Variants in MYCBP2 observed in about 807,000 individuals in gnomAD.
The protein encoded by MYCBP2 is E3 ubiquitin-protein ligase MYCBP2.
In MYCBP2, 120 loss-of-function variants were observed where a neutral mutation model predicts 525.3. The ratio of observed to expected loss-of-function variants is 0.23; its 90% confidence interval spans 0.20 to 0.27. The LOEUF is 0.27. Ranked by LOEUF, MYCBP2 falls within the 10% of genes least tolerant of loss-of-function variation. MYCBP2 has a pLI of 1.00. For synonymous variants in MYCBP2, 1,894 were observed against 1,955.8 expected, an observed-to-expected ratio of 0.97 and a Z score of 0.83; for missense variants, 4,149 against 5,657.1, an observed-to-expected ratio of 0.73 and a Z score of 8.55.
At chr13:77,056,809 T>C (rs1446853662) in intron 79 of MYCBP2, among the ~76,000 whole-genome samples, 177 bp downstream of exon 79, 1 of 152,196 alleles carries the variant, frequency 6.6e-6, no homozygotes, top group South Asian at 2.1e-4. Context: ...ACAATTACTG[T>C]TTTGAGATGC....
chr13:77,137,171 A>G (rs751796827), intron 52 of MYCBP2, among the ~76,000 whole-genome samples: 6 of 152,044 alleles, frequency 3.9e-5, no homozygotes. Flanking sequence ...CCTTAAGGAG[A>G]CTGTCTACTA....
intron 23 of MYCBP2, among the ~76,000 whole-genome samples, chr13:77,207,587 G>T (rs1346096485): frequency 2.0e-5 from 3 of 151,390 alleles, no homozygotes; most frequent in African/African-American, 7.3e-5. Context: ...TGATTAAGAT[G>T]GTAAATTTTA....
chr13:77,224,059 A>C (rs2065938202), intron 20 of MYCBP2, among the ~76,000 whole-genome samples: 1 of 152,238 alleles, frequency 6.6e-6, no homozygotes. Flanking sequence ...TATTAGACCA[A>C]AATTTCAAAA....
intron 17 of MYCBP2, among the ~76,000 whole-genome samples, chr13:77,239,021 G>A (rs1033716965): frequency 3.3e-5 from 5 of 152,146 alleles, no homozygotes; most frequent in South Asian, 2.1e-4. Context: ...TCGGGAGGCC[G>A]AGGCAGGAGA....
chr13:77,315,665 C>T (rs2080840160), intron 1 of MYCBP2, among the ~76,000 whole-genome samples: 1 of 152,114 alleles, frequency 6.6e-6, no homozygotes, highest in African/African-American at 2.4e-5. Flanking sequence ...GAGTCTGAGG[C>T]AGGTGGATCA....
At chr13:77,267,771 T>C in intron 8 of MYCBP2, 70 bp downstream of exon 8, 1 of 1,171,024 alleles carries the variant, frequency 8.5e-7, no homozygotes, top group Non-Finnish European at 1.3e-6. Context: ...ATTCTTTATG[T>C]GTCTAAATAG....
intron 1 of MYCBP2, among the ~76,000 whole-genome samples, chr13:77,308,008 A>C (rs543772739): frequency 5.3e-5 from 8 of 152,266 alleles, no homozygotes; most frequent in African/African-American, 1.9e-4. Flanking sequence ...TCACTTCTAT[A>C]CTGGTTAGTT....
At position 77,169,717 on chromosome 13, in the gene MYCBP2, A is replaced by G. The variant is rs768506429; in HGVS notation, c.5795-3T>C. ...CAGCAGTTCTGGAATGTCATCAGCT[A>G]AAAAAAGGCATAAAAGGCATTAAAA... On this transcript the variant is annotated splice_region_variant and splice_polypyrimidine_tract_variant and intron_variant, in intron 38 of 82. Transcript: ENST00000544440. The G allele has an allele frequency of 6.2e-6, 10 of 1,606,394 alleles. No homozygotes were observed. The highest frequency in any genetic ancestry group is 8.5e-6 in the Non-Finnish European group (10 of 1,173,948).
chr13:77,167,014 CACACACACACA>C (rs1566781098), intron 40 of MYCBP2, among the ~76,000 whole-genome samples: 3,803 of 149,722 alleles, frequency 0.025, 183 homozygotes, highest in African/African-American at 0.089. Context: ...CACACACACA[CACACACACACA>C]CCAAATGAAA....
Position 77,301,081 on chromosome 13 carries a change from C to G in MYCBP2, c.303-4407G>C, listed in dbSNP as rs144749229. Among the ~76,000 whole-genome samples, 680 of 152,188 alleles carry G rather than the reference C, an allele frequency of 4.5e-3. 6 individuals are homozygous for G. The highest frequency in any genetic ancestry group is 0.015 in the African/African-American group (639 of 41,500). ...ATAGACAGCTTTCCCAGTGGTATAT[C>G]TCCTCAGAAATGTAACTGGAACACT... On this transcript the variant is annotated intron_variant, in intron 1 of 82. Transcript: ENST00000544440.
intron 13 of MYCBP2, among the ~76,000 whole-genome samples, chr13:77,258,371 A>G (rs2072615135): frequency 6.6e-6 from 1 of 152,160 alleles, no homozygotes; most frequent in Non-Finnish European, 1.5e-5. Flanking sequence ...TACTTTCATT[A>G]TATTTGTCAT....
At position 77,081,717 on chromosome 13, in the gene MYCBP2, C is replaced by T. The variant is rs2043335744; in HGVS notation, c.11194-66G>A. ...AAATCTTTCGTGATGATAAAACAAA[C>T]AGGTATAAGATAAAACATAATGGAA... On this transcript the variant is annotated intron_variant, in intron 64 of 82. Coordinates refer to ENST00000544440, the MANE Select transcript of MYCBP2 (RefSeq NM_015057.5). The surrounding 1 kb of genome is among the most constrained non-coding windows in gnomAD (Gnocchi z 4.6). 1 of 1,533,954 alleles carries T rather than the reference C, an allele frequency of 6.5e-7. No homozygotes were observed. Among genetic ancestry groups the T allele is most frequent in the Non-Finnish European group, 8.8e-7 (1 of 1,135,856 alleles).
intron 20 of MYCBP2, among the ~76,000 whole-genome samples, chr13:77,224,094 C>A (rs1391176680): frequency 6.6e-6 from 1 of 152,172 alleles, no homozygotes; most frequent in Non-Finnish European, 1.5e-5. Flanking sequence ...ATGTTTGAAT[C>A]CATTGCTGAC....
intron 79 of MYCBP2, 40 bp downstream of exon 79, chr13:77,056,946 A>G: frequency 6.9e-7 from 1 of 1,459,034 alleles, no homozygotes. Flanking sequence ...AGAAAGAACA[A>G]AAGAAAAAGA....
At chr13:77,184,838 T>C (rs903002176) in intron 32 of MYCBP2, among the ~76,000 whole-genome samples, 4 of 152,152 alleles carry the variant, frequency 2.6e-5, no homozygotes, top group African/African-American at 9.7e-5. Context: ...ATGGTTCTTT[T>C]CCTCTCTCCC....
intron 20 of MYCBP2, among the ~76,000 whole-genome samples, chr13:77,219,944 T>C (rs866453691): frequency 6.6e-6 from 1 of 152,146 alleles, no homozygotes; most frequent in Non-Finnish European, 1.5e-5. Context: ...ATGTCTTTCA[T>C]CAAACTCTCA....
intron 18 of MYCBP2, among the ~76,000 whole-genome samples, chr13:77,230,920 T>C (rs771568717): frequency 5.3e-5 from 8 of 152,204 alleles, no homozygotes; most frequent in Non-Finnish European, 1.2e-4. Context: ...TTGGAGCATT[T>C]CGAATTTTCA....
At chr13:77,130,047 T>C (rs536738715) in intron 52 of MYCBP2, among the ~76,000 whole-genome samples, 8 of 151,948 alleles carry the variant, frequency 5.3e-5, no homozygotes, top group Non-Finnish European at 1.2e-4. Flanking sequence ...ACAAAATGTT[T>C]TACTGATAAT....
At chr13:77,128,760 T>A (rs1406108044) in intron 52 of MYCBP2, among the ~76,000 whole-genome samples, 2 of 151,932 alleles carry the variant, frequency 1.3e-5, no homozygotes, top group Non-Finnish European at 2.9e-5. Flanking sequence ...AATTTCAATA[T>A]TATTATTTTC....
Sources: allele counts gnomAD v4.1 joint callset (sites outside exome capture counted in the v4.1 genomes callset), GRCh38; gene constraint gnomAD v4.1.1; non-coding constraint Gnocchi (gnomAD v3.1); transcripts MANE v1.5; gene names NCBI Gene and HGNC (gene_info 2026-07-23, HGNC 2026-07-21).